KDM4C: variants seen among roughly 807,000 people sequenced by gnomAD.
The protein encoded by KDM4C is lysine-specific demethylase 4C.
A neutral mutation model predicts 129.3 loss-of-function variants in KDM4C; 81 were observed. The observed-to-expected ratio is 0.63, with a 90% confidence interval of 0.52 to 0.75. The LOEUF (loss-of-function observed/expected upper bound fraction) is 0.75, where lower values mean the gene tolerates loss of function less well. Ranked by LOEUF, KDM4C falls within the 30% of genes least tolerant of loss-of-function variation. The pLI is 0.00. For missense variants in KDM4C, 1,457 were observed against 1,304.0 expected, an observed-to-expected ratio of 1.12 and a Z score of -1.81; for synonymous variants, 573 against 456.1, an observed-to-expected ratio of 1.26 and a Z score of -3.26.
intron 8 of KDM4C, among the ~76,000 whole-genome samples, chr9:6,924,534 C>G (rs1421986582): frequency 1.3e-5 from 2 of 152,158 alleles, no homozygotes; most frequent in Non-Finnish European, 2.9e-5. Context: ...CCTTTTAGGA[C>G]TAGATTATTG....
rs1359295631 is a variant in KDM4C at position 7,009,323 on chromosome 9, T to C, written c.1787-2375T>C. On this transcript the variant is annotated intron_variant, in intron 12 of 21. Coordinates refer to ENST00000381309, the MANE Select transcript of KDM4C (RefSeq NM_015061.6). ...ATGACTGTAGTTTGTCTGCTAATAA[T>C]TTTTTTCATGGAAAAAGTGGCGTTC... Among the ~76,000 whole-genome samples, 5 of 152,174 alleles carry C rather than the reference T, an allele frequency of 3.3e-5. No homozygotes were observed. The East Asian group carries it at 9.6e-4, about 29-fold the overall frequency.
intron 8 of KDM4C, among the ~76,000 whole-genome samples, chr9:6,934,202 C>A (rs771920608): frequency 6.6e-6 from 1 of 151,792 alleles, no homozygotes; most frequent in Non-Finnish European, 1.5e-5. Context: ...AAAGTTGGGG[C>A]TGGGCGCGGG....
intron 8 of KDM4C, among the ~76,000 whole-genome samples, chr9:6,936,941 G>C (rs1426595549): frequency 6.6e-6 from 1 of 152,166 alleles, no homozygotes; most frequent in Non-Finnish European, 1.5e-5. Context: ...TTCATTAAAT[G>C]TGTTCTTTTA....
rs1296207500 is a variant in KDM4C at position 7,049,084 on chromosome 9, T to A, written c.2316-8T>A. On this transcript the variant is annotated splice_region_variant and splice_polypyrimidine_tract_variant and intron_variant, in intron 16 of 21. Transcript: ENST00000381309. ...TTTTGTTTATGTTTAATGTCTCCTT[T>A]CCTGTAGGTGGGCCCATGTCATGTG... is the stretch of plus-strand genomic sequence containing the variant. The A allele has an allele frequency of 6.2e-7, 1 of 1,600,108 alleles. No individual in the cohort carries two copies. The highest frequency in any genetic ancestry group is 8.6e-7 in the Non-Finnish European group (1 of 1,168,596).
intron 17 of KDM4C, among the ~76,000 whole-genome samples, chr9:7,059,282 T>A (rs1831288365): frequency 6.6e-6 from 1 of 152,180 alleles, no homozygotes; most frequent in Non-Finnish European, 1.5e-5. Flanking sequence ...TAAATTTTTT[T>A]GGTAAAGATG....
intron 5 of KDM4C, among the ~76,000 whole-genome samples, chr9:6,869,912 A>G (rs995908736): frequency 3.3e-5 from 5 of 152,256 alleles, no homozygotes; most frequent in African/African-American, 1.2e-4. Flanking sequence ...AGACTTCATA[A>G]TTTAAAACTT....
intron 8 of KDM4C, chr9:6,924,618 A>G (rs936639010): frequency 2.7e-5 from 10 of 365,194 alleles, no homozygotes; most frequent in African/African-American, 4.4e-5. Context: ...GCCCACGCCA[A>G]TTCAGTCCCT....
chr9:6,940,568 A>G (rs958983624), intron 8 of KDM4C, among the ~76,000 whole-genome samples: 3 of 152,186 alleles, frequency 2.0e-5, no homozygotes, highest in African/African-American at 7.2e-5. Context: ...AATCATCCAC[A>G]AGGCAGAGAT....
chr9:7,089,752 G>A (rs7022759), intron 17 of KDM4C, among the ~76,000 whole-genome samples: 6,572 of 152,242 alleles, frequency 0.043, 447 homozygotes, highest in African/African-American at 0.15. Context: ...AAGGGTGGGG[G>A]TATGGAAGCA....
At chr9:6,792,292 G>A (rs1826812722) in intron 1 of KDM4C, among the ~76,000 whole-genome samples, 1 of 152,118 alleles carries the variant, frequency 6.6e-6, no homozygotes, top group South Asian at 2.1e-4. Context: ...GCAGTGAGCC[G>A]AGATTGCGCC....
At chr9:6,977,151 T>G (rs1833056999) in intron 8 of KDM4C, among the ~76,000 whole-genome samples, 1 of 152,178 alleles carries the variant, frequency 6.6e-6, no homozygotes, top group Non-Finnish European at 1.5e-5. Context: ...CTCGTGTCAT[T>G]TGGACATATT....
intron 8 of KDM4C, among the ~76,000 whole-genome samples, chr9:6,917,896 A>G (rs1316148319): frequency 1.3e-5 from 2 of 152,128 alleles, no homozygotes; most frequent in African/African-American, 4.8e-5. Context: ...CTTGAAGACC[A>G]TTGTCCAGGC....
intron 5 of KDM4C, among the ~76,000 whole-genome samples, chr9:6,869,241 A>T (rs867857720): frequency 3.0e-4 from 45 of 152,042 alleles, no homozygotes; most frequent in African/African-American, 1.0e-3. Context: ...TCTGAATGTT[A>T]TGTCAGGAAA....
chr9:6,939,242 CAT>C (rs1825393159), intron 8 of KDM4C, among the ~76,000 whole-genome samples: 1 of 152,004 alleles, frequency 6.6e-6, no homozygotes, highest in Admixed American at 6.5e-5. Context: ...ATTAGATTCT[CAT>C]AGAGTGTGAA....
intron 8 of KDM4C, chr9:6,975,049 G>A (rs183023987): frequency 6.6e-6 from 1 of 152,126 alleles, no homozygotes; most frequent in Non-Finnish European, 1.5e-5. Context: ...GTTTTTCTTT[G>A]TCTATTTGAA....
rs116036296 is a variant in KDM4C, at chr9:7,122,732, T to C, written c.2611-5334T>C. Among the ~76,000 whole-genome samples the C allele has an allele frequency of 5.9e-3, 891 of 152,282 alleles. 10 individuals carry two copies. The highest frequency in any genetic ancestry group is 0.02 in the African/African-American group (841 of 41,556). ...TAACATTTTGGCCATGTCCCCAGCA[T>C]CTCTAACTGGCCCTACCATTTTTTA... On this transcript the variant is annotated intron_variant, in intron 18 of 21. Transcript: ENST00000381309.
chr9:6,807,079 G>C (rs1278955889), intron 3 of KDM4C, among the ~76,000 whole-genome samples: 3 of 151,994 alleles, frequency 2.0e-5, no homozygotes, highest in East Asian at 1.9e-4. Flanking sequence ...TGGTGGAGAC[G>C]GGGTTTCGCT....
At chr9:7,106,443 T>G (rs952222682) in intron 18 of KDM4C, among the ~76,000 whole-genome samples, 2 of 152,226 alleles carry the variant, frequency 1.3e-5, no homozygotes, top group Admixed American at 6.5e-5. Flanking sequence ...CTTGGCAGCC[T>G]GGCCCAGTTG....
At chr9:6,756,988 G>A (rs1214391045), upstream of KDM4C, among the ~76,000 whole-genome samples, 3 of 152,158 alleles carry the variant, frequency 2.0e-5, no homozygotes, top group Non-Finnish European at 4.4e-5. Flanking sequence ...TCTTAGCTAA[G>A]ACGTTAGAGA....
Sources: allele counts gnomAD v4.1 joint callset (sites outside exome capture counted in the v4.1 genomes callset), GRCh38; gene constraint gnomAD v4.1.1; transcripts MANE v1.5; gene names NCBI Gene and HGNC (gene_info 2026-07-23, HGNC 2026-07-21).